Variants in ZFAT observed in about 807,000 individuals in gnomAD.
ZFAT encodes zinc finger and AT-hook domain containing.
In ZFAT, 64 loss-of-function variants were observed where a neutral mutation model predicts 117.7. That is an observed-to-expected ratio of 0.54 (90% CI 0.44 to 0.67). ZFAT has a LOEUF of 0.67. ZFAT is among the 30% of genes least tolerant of loss of function. The probability of loss-of-function intolerance (pLI) is 0.00; values close to 1 mark genes in which losing one functional copy is unlikely to be tolerated. For synonymous variants in ZFAT, 679 were observed against 615.0 expected, an observed-to-expected ratio of 1.10 and a Z score of -1.54; for missense variants, 1,433 against 1,584.5, an observed-to-expected ratio of 0.90 and a Z score of 1.62.
chr8:134,777,781 T>C, the ZFAT span, among the ~76,000 whole-genome samples: 2 of 152,234 alleles, frequency 1.3e-5, no homozygotes, highest in African/African-American at 4.8e-5. Flanking sequence ...TATGACATTG[T>C]CTGAGTGCAC....
At chr8:134,601,415 GC>G in intron 6 of ZFAT, 61 bp downstream of exon 6, 1 of 1,531,860 alleles carries the variant, frequency 6.5e-7, no homozygotes, top group Non-Finnish European at 8.8e-7. Flanking sequence ...CAAATCAAAT[GC>G]GAGGTGACCA....
intron 10 of ZFAT, chr8:134,565,660 C>G: frequency 1.6e-6 from 1 of 618,236 alleles, no homozygotes; most frequent in South Asian, 1.8e-5. Flanking sequence ...CCTGGGGAGG[C>G]CCCATGAGCA....
At chr8:134,579,141 T>C (rs1375223961) in intron 10 of ZFAT, among the ~76,000 whole-genome samples, 1 of 152,120 alleles carries the variant, frequency 6.6e-6, no homozygotes, top group Non-Finnish European at 1.5e-5. Flanking sequence ...ACGCTAAGCT[T>C]GGGGGGCCAG....
intron 15 of ZFAT, among the ~76,000 whole-genome samples, chr8:134,484,254 C>T (rs574836875): frequency 9.8e-5 from 15 of 152,344 alleles, no homozygotes; most frequent in Admixed American, 6.5e-4. Context: ...CAGTCCAGTG[C>T]CACGCTCTTG....
chr8:134,782,823 T>C, the ZFAT span, among the ~76,000 whole-genome samples: 2 of 152,158 alleles, frequency 1.3e-5, no homozygotes, highest in African/African-American at 4.8e-5. Context: ...TATGTCTTTA[T>C]CAGTAGCATG....
Position 134,478,837 on chromosome 8 carries a change from C to G in ZFAT, c.3493-116G>C. ...AGTGCGCTGCGGGAGCACGTCCATT[C>G]TCCACGGATCCTCTCTACCAGGCTG... On this transcript the variant is annotated intron_variant, in intron 15 of 15. Transcript: ENST00000377838. The surrounding 1 kb of genome is among the most constrained non-coding windows in gnomAD (Gnocchi z 5.2). 1.4e-6 allele frequency: 2 copies of G among 1,403,998 alleles called. No individual in the cohort carries two copies. Among genetic ancestry groups the G allele is most frequent in the African/African-American group, 2.8e-5 (2 of 70,306 alleles). The allele number at this position is 1,403,998 out of a possible 1,614,324, so 87.0% of individuals were successfully genotyped here. A position where few individuals can be genotyped will look rare whatever the true frequency, so the allele number is the denominator to read the frequency against.
intron 5 of ZFAT, among the ~76,000 whole-genome samples, chr8:134,605,134 T>C (rs1269537387): frequency 1.3e-5 from 2 of 152,180 alleles, no homozygotes; most frequent in Non-Finnish European, 2.9e-5. Flanking sequence ...GACCCTTAAG[T>C]CCAAGTCATT....
At position 134,647,736 on chromosome 8, in the gene ZFAT, AAAAG is replaced by A. The variant is rs1352941339; in HGVS notation, c.196+9821_196+9824del. On this transcript the variant is annotated intron_variant, in intron 2 of 15. Transcript: ENST00000377838. ...TGTGTTTCTACACAAAAACAACTGAAAAAGAAAACGATCCCATTTATAATAGCGT... is the reference window on the plus strand; with the variant it reads ...TGTGTTTCTACACAAAAACAACTGAAAAAACGATCCCATTTATAATAGCGT... Among the ~76,000 whole-genome samples the A allele has an allele frequency of 4.6e-5, 7 of 152,340 alleles. 1 individual carries two copies. The South Asian group carries it at 1.4e-3, about 32-fold the overall frequency.
intron 2 of ZFAT, among the ~76,000 whole-genome samples, chr8:134,640,149 C>T (rs975354212): frequency 2.0e-5 from 3 of 152,208 alleles, no homozygotes; most frequent in Admixed American, 1.3e-4. Context: ...TGATTTGCAT[C>T]CTTTGAGTAT....
Position 134,637,460 on chromosome 8 carries a change from C to T in ZFAT, c.448+1G>A, listed in dbSNP as rs767022918. On this transcript the variant is annotated splice_donor_variant, in intron 3 of 15. Coordinates refer to ENST00000377838, the MANE Select transcript of ZFAT (RefSeq NM_020863.4). LOFTEE classifies it high-confidence loss of function. Reference sequence around the variant, plus strand: ...ATGTTCAGCCCTTTGGCAGCATTTACCTGCTTCTCCTTCCTCCTCACCCAA... The same window carrying T: ...ATGTTCAGCCCTTTGGCAGCATTTATCTGCTTCTCCTTCCTCCTCACCCAA... 23 of 1,604,850 alleles carry T rather than the reference C, an allele frequency of 1.4e-5. No individual in the cohort carries two copies. The highest frequency in any genetic ancestry group is 1.9e-5 in the Non-Finnish European group (22 of 1,172,230).
chr8:134,565,833 C>G (rs1351465066), intron 10 of ZFAT, among the ~76,000 whole-genome samples: 1 of 151,682 alleles, frequency 6.6e-6, no homozygotes, highest in African/African-American at 2.4e-5. Context: ...TGGAGAGGAG[C>G]AGCTGCATCT....
chr8:134,512,641 T>A, intron 13 of ZFAT, 40 bp from the exon 14 acceptor site: 3 of 1,592,822 alleles, frequency 1.9e-6, no homozygotes, highest in Non-Finnish European at 2.6e-6. Context: ...TCCTAAAAGA[T>A]TGACTGTTGC....
At chr8:134,585,362 G>A (rs1043111689) in intron 9 of ZFAT, among the ~76,000 whole-genome samples, 1 of 152,166 alleles carries the variant, frequency 6.6e-6, no homozygotes, top group Non-Finnish European at 1.5e-5. Flanking sequence ...AGGGAACATG[G>A]TGCATCCCTG....
At chr8:134,805,200 C>T in the ZFAT span, among the ~76,000 whole-genome samples, 2 of 152,210 alleles carry the variant, frequency 1.3e-5, no homozygotes, top group Non-Finnish European at 2.9e-5. Flanking sequence ...AAAGATATTA[C>T]CCTGATATCC....
intron 1 of ZFAT, among the ~76,000 whole-genome samples, chr8:134,663,516 A>G (rs1832046812): frequency 6.6e-6 from 1 of 152,146 alleles, no homozygotes. Context: ...AGGTGGGTGG[A>G]TCACGAGGTC....
At chr8:134,653,843 TTTC>T (rs1831431598) in intron 2 of ZFAT, among the ~76,000 whole-genome samples, 1 of 152,214 alleles carries the variant, frequency 6.6e-6, no homozygotes, top group Admixed American at 6.5e-5. Flanking sequence ...CCCATTTTTG[TTTC>T]TTATTAAATA....
the ZFAT span, among the ~76,000 whole-genome samples, chr8:134,740,974 C>T: frequency 5.5e-4 from 83 of 152,224 alleles, no homozygotes; most frequent in African/African-American, 1.8e-3. Context: ...ACTTGATGTG[C>T]GCCCTTTCTC....
At chr8:134,558,684 C>A (rs115187682) in intron 11 of ZFAT, among the ~76,000 whole-genome samples, 1 of 152,076 alleles carries the variant, frequency 6.6e-6, no homozygotes, top group Non-Finnish European at 1.5e-5. Flanking sequence ...GTAGTTCTTT[C>A]GAGAACTAGA....
At chr8:134,535,449 C>G (rs1821757836) in intron 11 of ZFAT, among the ~76,000 whole-genome samples, 1 of 151,284 alleles carries the variant, frequency 6.6e-6, no homozygotes, top group Non-Finnish European at 1.5e-5. Context: ...GTCCAGCCTT[C>G]CTGGGAAGCC....
Sources: gnomAD v4.1 joint callset for allele counts (sites outside exome capture counted in the v4.1 genomes callset) on GRCh38, gnomAD v4.1.1 for gene constraint, Gnocchi (gnomAD v3.1) non-coding constraint, MANE v1.5 for transcripts, NCBI Gene and HGNC (gene_info 2026-07-23, HGNC 2026-07-21) for gene names.